BTBD9: variants seen among roughly 807,000 people sequenced by gnomAD.
BTBD9 encodes BTB domain containing 9.
In BTBD9, 49 loss-of-function variants were observed where a neutral mutation model predicts 64.3. The ratio of observed to expected loss-of-function variants is 0.76; its 90% confidence interval spans 0.61 to 0.97. The LOEUF is 0.97. Among genes scored for constraint, BTBD9 ranks in the 50% least tolerant of loss-of-function variants. The pLI is 0.00. For synonymous variants in BTBD9, 260 were observed against 274.7 expected (o/e 0.95, Z 0.53); for missense variants, 598 against 762.1 (o/e 0.78, Z 2.53).
At chr6:38,283,308 A>G (rs1582161833) in intron 8 of BTBD9, among the ~76,000 whole-genome samples, 1 of 152,234 alleles carries the variant, frequency 6.6e-6, no homozygotes, top group Non-Finnish European at 1.5e-5. Context: ...TTATTCACAA[A>G]GCAATTATGT....
intron 6 of BTBD9, among the ~76,000 whole-genome samples, chr6:38,386,835 G>C (rs201826215): frequency 6.6e-6 from 1 of 151,784 alleles, no homozygotes; most frequent in East Asian, 1.9e-4. Context: ...TAAAGACAGG[G>C]TTTCACCATG....
intron 6 of BTBD9, among the ~76,000 whole-genome samples, chr6:38,368,302 T>C (rs1765267544): frequency 6.6e-6 from 1 of 152,172 alleles, no homozygotes; most frequent in African/African-American, 2.4e-5. Flanking sequence ...ATTGCCCCTT[T>C]TGATGCATGC....
At chr6:38,217,932 A>G (rs4714130) in intron 9 of BTBD9, among the ~76,000 whole-genome samples, 124,722 of 151,996 alleles carry the variant, frequency 0.82, 51,310 homozygotes, top group East Asian at 0.97. Flanking sequence ...CATTGTACCC[A>G]AGGGATGTCC....
chr6:38,353,626 T>C (rs1764609885), intron 6 of BTBD9, among the ~76,000 whole-genome samples: 1 of 152,172 alleles, frequency 6.6e-6, no homozygotes, highest in Admixed American at 6.5e-5. Context: ...TTACCAAAAG[T>C]TCAACATTTG....
At chr6:38,333,394 C>A (rs1196007704) in intron 7 of BTBD9, among the ~76,000 whole-genome samples, 1 of 152,110 alleles carries the variant, frequency 6.6e-6, no homozygotes, top group African/African-American at 2.4e-5. Flanking sequence ...GCAGTATTTT[C>A]ACTCTTCTGG....
At chr6:38,188,852 C>G (rs1439809563) in intron 10 of BTBD9, among the ~76,000 whole-genome samples, 1 of 152,226 alleles carries the variant, frequency 6.6e-6, no homozygotes, top group African/African-American at 2.4e-5. Flanking sequence ...GTCACTGTCT[C>G]TCGCGAAGTG....
At chr6:38,274,801 T>C (rs1260763682) in intron 8 of BTBD9, among the ~76,000 whole-genome samples, 2 of 152,142 alleles carry the variant, frequency 1.3e-5, no homozygotes, top group East Asian at 3.9e-4. Context: ...TTGAGGATTT[T>C]TGCATCAATG....
chr6:38,534,430 C>T (rs1032230871), intron 6 of BTBD9, among the ~76,000 whole-genome samples: 1 of 149,128 alleles, frequency 6.7e-6, no homozygotes, highest in Non-Finnish European at 1.5e-5. Context: ...CTGAACTCTA[C>T]CAAACATTTA....
chr6:38,351,111 A>G (rs781541342), intron 6 of BTBD9, among the ~76,000 whole-genome samples: 5 of 152,250 alleles, frequency 3.3e-5, no homozygotes, highest in Non-Finnish European at 4.4e-5. Context: ...AGCATGTTGC[A>G]AAGAAAGATT....
chr6:38,483,612 C>T (rs1771263712), intron 6 of BTBD9, among the ~76,000 whole-genome samples: 1 of 152,102 alleles, frequency 6.6e-6, no homozygotes, highest in Admixed American at 6.5e-5. Flanking sequence ...ATCTGTCTGC[C>T]CTCATTGCTA....
At chr6:38,289,494 T>TTCTATTATTCTGAATAATA (rs1761878151) in intron 7 of BTBD9, among the ~76,000 whole-genome samples, 1 of 152,224 alleles carries the variant, frequency 6.6e-6, no homozygotes, top group Non-Finnish European at 1.5e-5. Context: ...TGCAGATATT[T>TTCTATTATTCTGAATAATA]TCTATTATTC....
At chr6:38,350,103 A>G (rs996040231) in intron 6 of BTBD9, among the ~76,000 whole-genome samples, 4 of 152,156 alleles carry the variant, frequency 2.6e-5, no homozygotes, top group Non-Finnish European at 5.9e-5. Flanking sequence ...ATACCCAGTG[A>G]CGTGGTTCTT....
chr6:38,600,846 T>A (rs1454574099), intron 1 of BTBD9, among the ~76,000 whole-genome samples: 1 of 152,198 alleles, frequency 6.6e-6, no homozygotes, highest in South Asian at 2.1e-4. Context: ...GATCTCTACT[T>A]CTCAATACAT....
At chr6:38,517,435 C>T (rs894351567) in intron 6 of BTBD9, among the ~76,000 whole-genome samples, 1 of 152,158 alleles carries the variant, frequency 6.6e-6, no homozygotes, top group African/African-American at 2.4e-5. Flanking sequence ...CTGCCTCCCC[C>T]ACCCGCTGCC....
intron 6 of BTBD9, among the ~76,000 whole-genome samples, chr6:38,460,961 A>C (rs1033958452): frequency 6.6e-6 from 1 of 152,170 alleles, no homozygotes; most frequent in African/African-American, 2.4e-5. Context: ...ATAACTTAGT[A>C]ATTAATGAAA....
chr6:38,344,212 C>T (rs921820779), intron 7 of BTBD9, among the ~76,000 whole-genome samples: 5 of 151,708 alleles, frequency 3.3e-5, no homozygotes, highest in Non-Finnish European at 7.4e-5. Flanking sequence ...GAAAAAAAAG[C>T]AGAATAAACA....
intron 6 of BTBD9, among the ~76,000 whole-genome samples, chr6:38,504,793 A>C (rs886687978): frequency 2.0e-5 from 3 of 152,224 alleles, no homozygotes; most frequent in Non-Finnish European, 4.4e-5. Context: ...AATGTTCATC[A>C]ATAGTGAAAG....
At chr6:38,223,664 T>C (rs1016910822) in intron 9 of BTBD9, among the ~76,000 whole-genome samples, 1 of 152,166 alleles carries the variant, frequency 6.6e-6, no homozygotes, top group East Asian at 1.9e-4. Flanking sequence ...ATCAGTCCTC[T>C]TCCTCTCTGC....
chr6:38,296,917 C>T (rs73422812), intron 7 of BTBD9, among the ~76,000 whole-genome samples: 1,892 of 152,254 alleles, frequency 0.012, 45 homozygotes, highest in African/African-American at 0.043. Context: ...TGGTCTAGTA[C>T]ATGGCTAATT....
Sources: gnomAD v4.1 joint callset for allele counts (sites outside exome capture counted in the v4.1 genomes callset) on GRCh38, gnomAD v4.1.1 for gene constraint, MANE v1.5 for transcripts, NCBI Gene and HGNC (gene_info 2026-07-23, HGNC 2026-07-21) for gene names.